H2BC18: variants seen among roughly 807,000 people sequenced by gnomAD.
The protein encoded by H2BC18 is H2B clustered histone 18.
H2BC18 carries 8 observed loss-of-function variants against 6.3 expected under a neutral mutation model. That is an observed-to-expected ratio of 1.28 (90% CI 0.75 to 2.31). The LOEUF is 2.31. Among genes scored for constraint, H2BC18 ranks in the 30% most tolerant of loss-of-function variants. H2BC18 has a pLI of 0.00. For synonymous variants in H2BC18, 104 were observed against 78.1 expected (o/e 1.33, Z -1.75); for missense variants, 106 against 174.5 (o/e 0.61, Z 2.21).
downstream of H2BC18, chr1:149,810,557 A>C (rs1553754303): frequency 6.6e-6 from 1 of 151,896 alleles, no homozygotes; most frequent in African/African-American, 2.4e-5. Flanking sequence ...TTATAAGCTA[A>C]GATTTTCCAG....
downstream of H2BC18, among the ~76,000 whole-genome samples, chr1:149,809,614 C>A (rs587756661): frequency 1.7e-4 from 24 of 145,332 alleles, no homozygotes; most frequent in Admixed American, 1.6e-3. Flanking sequence ...GGAATAAATA[C>A]CGAGAAGCAT....
intron 1 of H2BC18, among the ~76,000 whole-genome samples, chr1:149,796,269 T>C (rs1293884297): frequency 5.9e-5 from 9 of 152,088 alleles, no homozygotes; most frequent in Non-Finnish European, 1.0e-4. Context: ...TATGTGAAAG[T>C]AAAAGATTCC....
At chr1:149,800,980 G>T (rs373323235) in intron 1 of H2BC18, among the ~76,000 whole-genome samples, 1 of 152,224 alleles carries the variant, frequency 6.6e-6, no homozygotes, top group African/African-American at 2.4e-5. Flanking sequence ...CAACTACTAG[G>T]GAGGCTGAGG....
At chr1:149,791,392 GAGA>G in intron 1 of H2BC18, 1 of 1,593,116 alleles carries the variant, frequency 6.3e-7, no homozygotes, top group South Asian at 1.1e-5. Flanking sequence ...TTCTGGTCAT[GAGA>G]AGAAGGTAAT....
chr1:149,801,712 G>A (rs827365), intron 1 of H2BC18, among the ~76,000 whole-genome samples: 10,125 of 145,980 alleles, frequency 0.069, 186 homozygotes, highest in African/African-American at 0.085. Flanking sequence ...AGGGCCAAAT[G>A]TATTTACTTT....
chr1:149,804,733 C>G (rs1460468763), intron 1 of H2BC18, among the ~76,000 whole-genome samples: 5 of 152,230 alleles, frequency 3.3e-5, no homozygotes, highest in Non-Finnish European at 5.9e-5. Flanking sequence ...ATGTTTTCCA[C>G]TTTACAGGGG....
chr1:149,785,417 T>TTG (rs1389265317), intron 1 of H2BC18, among the ~76,000 whole-genome samples: 3 of 133,458 alleles, frequency 2.2e-5, no homozygotes, highest in African/African-American at 8.3e-5. Flanking sequence ...CGTTTTTTTT[T>TTG]TTTTTTTTTT....
At chr1:149,806,804 T>C (rs1553753926) in intron 1 of H2BC18, among the ~76,000 whole-genome samples, 1 of 152,128 alleles carries the variant, frequency 6.6e-6, no homozygotes, top group African/African-American at 2.4e-5. Context: ...AGTGCAAACA[T>C]CCTGAGATAG....
chr1:149,797,736 T>A (rs1456930744), intron 1 of H2BC18, among the ~76,000 whole-genome samples: 2 of 152,286 alleles, frequency 1.3e-5, no homozygotes, highest in East Asian at 3.9e-4. Flanking sequence ...CAGTTCGAAC[T>A]ATAGGCGTGC....
At chr1:149,789,954 T>C (rs1357283841) in intron 1 of H2BC18, 1 of 1,607,596 alleles carries the variant, frequency 6.2e-7, no homozygotes, top group East Asian at 2.2e-5. Context: ...GGATGCATTT[T>C]CTAGGGCCAG....
intron 1 of H2BC18, among the ~76,000 whole-genome samples, chr1:149,789,584 A>T (rs1394859043): frequency 1.3e-5 from 2 of 152,156 alleles, no homozygotes; most frequent in African/African-American, 2.4e-5. Context: ...GTGGCCTGTT[A>T]GGAACTGGGC....
rs1553753465 is a variant in H2BC18, at chr1:149,802,402, T to C, written c.377+9545A>G. Among the ~76,000 whole-genome samples, 5 of 152,216 alleles carry C rather than the reference T, an allele frequency of 3.3e-5. No individual in the cohort carries two copies. The East Asian group carries it at 5.8e-4, about 18-fold the overall frequency. On this transcript the variant is annotated intron_variant, in intron 1 of 1. Transcript: ENST00000545683. ...CTCATTATTCTACATATAATATGGG[T>C]CTTAAGTAAGTAAACATTCCAAACT...
intron 1 of H2BC18, chr1:149,784,144 C>T (rs373590676): frequency 5.6e-6 from 9 of 1,611,728 alleles, no homozygotes; most frequent in South Asian, 1.1e-5. Context: ...GCCACTCAGA[C>T]CTCGACCCCC....
chr1:149,804,245 ATTGACATG>A (rs1165835484), intron 1 of H2BC18, among the ~76,000 whole-genome samples: 1 of 151,992 alleles, frequency 6.6e-6, no homozygotes, highest in Non-Finnish European at 1.5e-5. Context: ...TTCTGAAAGT[ATTGACATG>A]AAGTATTAAA....
At chr1:149,786,550 C>T (rs1479030488) in intron 1 of H2BC18, 1 of 152,144 alleles carries the variant, frequency 6.6e-6, no homozygotes, top group Non-Finnish European at 1.5e-5. Context: ...GACTCTTAGT[C>T]ATTTCAATTT....
At chr1:149,801,881 C>T (rs1310530617) in intron 1 of H2BC18, among the ~76,000 whole-genome samples, 1 of 152,112 alleles carries the variant, frequency 6.6e-6, no homozygotes, top group Admixed American at 6.5e-5. Context: ...TTCCCCCCTC[C>T]CCACTATAAA....
At chr1:149,807,511 C>CA (rs2091928776), downstream of H2BC18, among the ~76,000 whole-genome samples, 1 of 7,924 alleles carries the variant, frequency 1.3e-4, no homozygotes, top group African/African-American at 1.1e-3. Context: ...AAAGGCATGG[C>CA]GGGGGGGGGG....
chr1:149,801,688 T>A (rs1291828974), intron 1 of H2BC18, among the ~76,000 whole-genome samples: 9 of 150,314 alleles, frequency 6.0e-5, no homozygotes, highest in Non-Finnish European at 1.2e-4. Context: ...ACATTATACT[T>A]CTACCCTGCC....
At chr1:149,798,607 T>C (rs2091826424) in intron 1 of H2BC18, among the ~76,000 whole-genome samples, 1 of 150,564 alleles carries the variant, frequency 6.6e-6, no homozygotes, top group South Asian at 2.1e-4. Flanking sequence ...AATGTATTTT[T>C]AAACCGACTT....
Sources: allele counts gnomAD v4.1 joint callset (sites outside exome capture counted in the v4.1 genomes callset), GRCh38; gene constraint gnomAD v4.1.1; transcripts MANE v1.5; gene names NCBI Gene and HGNC (gene_info 2026-07-23, HGNC 2026-07-21).